The following USP3 variants were observed in gnomAD, a reference collection of about 807,000 sequenced individuals.
USP3 encodes ubiquitin specific peptidase 3, also known as ubiquitin carboxyl-terminal hydrolase 3.
In USP3, 20 loss-of-function variants were observed where a neutral mutation model predicts 72.3. The observed-to-expected ratio is 0.28, with a 90% CI of 0.19 to 0.40. The LOEUF is 0.40. Among genes scored for constraint, USP3 ranks in the 10% least tolerant of loss-of-function variants. USP3 has a pLI of 1.00. For missense variants in USP3, 479 were observed against 633.9 expected, an observed-to-expected ratio of 0.76 and a Z score of 2.62; for synonymous variants, 222 against 225.3, an observed-to-expected ratio of 0.99 and a Z score of 0.13.
intron 1 of USP3, among the ~76,000 whole-genome samples, chr15:63,505,032 G>A (rs2065690452): frequency 6.6e-6 from 1 of 150,720 alleles, no homozygotes; most frequent in Non-Finnish European, 1.5e-5. Context: ...AGGCCCGACG[G>A]CCGGGCCAGC....
Position 63,529,103 on chromosome 15 carries a change from A to T in USP3, c.92-3544A>T, listed in dbSNP as rs1407637942. ...TGGCCTCGAACTCTAGGCTCAAGTGATTCTTCTGCCTCAGCCTCCCAAGTA... is the reference window on the plus strand; with the variant it reads ...TGGCCTCGAACTCTAGGCTCAAGTGTTTCTTCTGCCTCAGCCTCCCAAGTA... On this transcript the variant is annotated intron_variant, in intron 1 of 14. Transcript: ENST00000380324. The surrounding 1 kb of genome is among the most constrained non-coding windows in gnomAD (Gnocchi z 4.2). 1 of 1,244,884 alleles carries T rather than the reference A, an allele frequency of 8.0e-7. No individual in the cohort carries two copies. The highest frequency in any genetic ancestry group is 1.1e-6 in the Non-Finnish European group (1 of 948,886). 77.1% of individuals were successfully genotyped at this position (1,244,884 alleles called of 1,614,324 possible). A position where few individuals can be genotyped will look rare whatever the true frequency, so the allele number is the denominator to read the frequency against.
chr15:63,504,681 C>A lies in USP3; in HGVS notation c.-59C>A. The A allele has an allele frequency of 6.9e-7, 1 of 1,447,312 alleles. No homozygotes were observed. The highest frequency in any genetic ancestry group is 9.3e-7 in the Non-Finnish European group (1 of 1,075,072). The allele number at this position is 1,447,312 out of a possible 1,614,324, so 89.7% of individuals were successfully genotyped here. A position where few individuals can be genotyped will look rare whatever the true frequency, so the allele number is the denominator to read the frequency against. On this transcript the variant is annotated 5_prime_UTR_variant, in exon 1 of 15. Transcript: ENST00000380324. ...ACCAGACGGAGCCTCCGGAGTTCCT[C>A]CGCCCCCACCTCGCCGGGTCCTGGA... is the stretch of plus-strand genomic sequence containing the variant.
chr15:63,523,228 G>A (rs74024869), intron 1 of USP3, among the ~76,000 whole-genome samples: 1,553 of 152,240 alleles, frequency 0.01, 26 homozygotes, highest in African/African-American at 0.036. Flanking sequence ...AGTGCTTTCC[G>A]TTGATTAGGC....
intron 6 of USP3, among the ~76,000 whole-genome samples, chr15:63,558,841 C>T (rs2066556449): frequency 6.6e-6 from 1 of 152,122 alleles, no homozygotes; most frequent in Admixed American, 6.5e-5. Context: ...CGCCACTACA[C>T]TCCAGCCTGG....
intron 14 of USP3, 130 bp from the exon 15 acceptor site, chr15:63,590,526 ATTAAT>A: frequency 2.2e-6 from 2 of 899,774 alleles, no homozygotes; most frequent in Non-Finnish European, 3.0e-6. Context: ...AGGTAAAAAC[ATTAAT>A]TTAACAAGCA....
At chr15:63,539,832 G>A (rs1431955847) in intron 3 of USP3, among the ~76,000 whole-genome samples, 3 of 152,198 alleles carry the variant, frequency 2.0e-5, no homozygotes, top group Admixed American at 6.5e-5. Flanking sequence ...GAATCACCCC[G>A]TAGCATTACA....
intron 3 of USP3, among the ~76,000 whole-genome samples, chr15:63,540,532 T>C (rs2066229126): frequency 6.6e-6 from 1 of 152,180 alleles, no homozygotes; most frequent in Non-Finnish European, 1.5e-5. Flanking sequence ...CTGTGTCCCC[T>C]GATCATCTTG....
At position 63,590,631 on chromosome 15, in the gene USP3, C is replaced by CT. The variant is rs1191297021; in HGVS notation, c.1398-24dup. 6 of 1,508,154 alleles carry CT rather than the reference C, an allele frequency of 4.0e-6. No individual in the cohort carries two copies. The Admixed American group carries it at 6.8e-5, about 17-fold the overall frequency. The allele number at this position is 1,508,154 out of a possible 1,614,324, so 93.4% of individuals were successfully genotyped here. The stretch of plus-strand genomic sequence containing the variant: ...AGGTCTTTTTGTGATTTCTGAGGTT[C>CT]TTTTTTCCTTTGGTCTTTTGCCTTT... On this transcript the variant is annotated intron_variant, in intron 14 of 14. Coordinates refer to ENST00000380324, the MANE Select transcript of USP3 (RefSeq NM_006537.4).
At chr15:63,580,658 A>ATG (rs2066939364) in intron 11 of USP3, among the ~76,000 whole-genome samples, 1 of 62,426 alleles carries the variant, frequency 1.6e-5, no homozygotes, top group Non-Finnish European at 3.7e-5. Flanking sequence ...ATATGAATAT[A>ATG]TAATATATAT....
chr15:63,536,537 T>G (rs2152661226), intron 2 of USP3, among the ~76,000 whole-genome samples: 1 of 152,208 alleles, frequency 6.6e-6, no homozygotes, highest in East Asian at 1.9e-4. Flanking sequence ...TTTGCATAGA[T>G]TATGCCTTTC....
intron 3 of USP3, among the ~76,000 whole-genome samples, chr15:63,547,577 A>G (rs756498352): frequency 6.6e-6 from 1 of 151,972 alleles, no homozygotes; most frequent in Non-Finnish European, 1.5e-5. Flanking sequence ...AAAAGTAAAA[A>G]AAAATAGCCA....
At position 63,554,962 on chromosome 15, in the gene USP3, A is replaced by G. The variant is rs186609278; in HGVS notation, c.368+1164A>G. 4.6e-5 allele frequency among the ~76,000 whole-genome samples: 7 copies of G among 152,294 alleles called. No individual in the cohort carries two copies. In the East Asian group the frequency reaches 1.3e-3, roughly 29 times the overall value. The stretch of plus-strand genomic sequence containing the variant: ...TTTTCTCTGAAACTGTTCACAATAA[A>G]CATGAAGTCTGAGATTCCTGAAGGA... On this transcript the variant is annotated intron_variant, in intron 4 of 14. Transcript: ENST00000380324.
chr15:63,514,327 C>A (rs1441599557), intron 1 of USP3, among the ~76,000 whole-genome samples: 1 of 151,836 alleles, frequency 6.6e-6, no homozygotes, highest in East Asian at 1.9e-4. Context: ...AAAAAAAATT[C>A]CGACTCTTGG....
At chr15:63,538,120 G>A (rs2066187085) in intron 3 of USP3, among the ~76,000 whole-genome samples, 1 of 151,968 alleles carries the variant, frequency 6.6e-6, no homozygotes, top group African/African-American at 2.4e-5. Context: ...CTTAGAACTA[G>A]GTTATTTAGG....
intron 1 of USP3, among the ~76,000 whole-genome samples, chr15:63,517,997 TG>T (rs2065874431): frequency 6.6e-6 from 1 of 152,182 alleles, no homozygotes; most frequent in South Asian, 2.1e-4. Context: ...GTCATTTAAG[TG>T]GGTCTTAGGT....
intron 5 of USP3, among the ~76,000 whole-genome samples, chr15:63,557,424 G>A (rs973463466): frequency 5.3e-5 from 8 of 152,182 alleles, no homozygotes; most frequent in Non-Finnish European, 7.4e-5. Context: ...CACCACGCCC[G>A]GCTAACTTTT....
In USP3 at chr15:63,531,195, C is replaced by G. The variant is rs147678616; in HGVS notation, c.92-1452C>G. Among the ~76,000 whole-genome samples, 337 of 152,296 alleles carry G rather than the reference C, an allele frequency of 2.2e-3. 2 individuals carry two copies. The highest frequency in any genetic ancestry group is 7.7e-3 in the African/African-American group (322 of 41,564). ...CTATTCTCACCTCCTGTCCCCTCCT[C>G]TCATGCAAATATAGGATGAACATAG... On this transcript the variant is annotated intron_variant, in intron 1 of 14. Transcript: ENST00000380324.
chr15:63,558,986 G>A (rs1324680676), intron 6 of USP3, among the ~76,000 whole-genome samples: 2 of 152,216 alleles, frequency 1.3e-5, no homozygotes, highest in Admixed American at 6.5e-5. Context: ...GCTACAGTTT[G>A]CAGACCCCTG....
chr15:63,521,945 GTGATT>G (rs1595710457), intron 1 of USP3, among the ~76,000 whole-genome samples: 2 of 152,168 alleles, frequency 1.3e-5, no homozygotes, highest in African/African-American at 4.8e-5. Context: ...GTCTCCTCCG[GTGATT>G]TGTTTATTTG....
Sources: gnomAD v4.1 joint callset for allele counts (sites outside exome capture counted in the v4.1 genomes callset) on GRCh38, gnomAD v4.1.1 for gene constraint, Gnocchi (gnomAD v3.1) non-coding constraint, MANE v1.5 for transcripts, NCBI Gene and HGNC (gene_info 2026-07-23, HGNC 2026-07-21) for gene names.